PDE1A: variants seen among roughly 807,000 people sequenced by gnomAD.
PDE1A encodes phosphodiesterase 1A.
Under a neutral mutation model 61.7 loss-of-function variants are expected in PDE1A, and 35 were observed. The ratio of observed to expected loss-of-function variants is 0.57; its 90% CI spans 0.43 to 0.75. The LOEUF (loss-of-function observed/expected upper bound fraction) is 0.75, where lower values mean the gene tolerates loss of function less well. Among genes scored for constraint, PDE1A ranks in the 30% least tolerant of loss-of-function variants. The pLI is 0.00. For missense variants in PDE1A, 597 were observed against 630.6 expected, an observed-to-expected ratio of 0.95 and a Z score of 0.57; for synonymous variants, 232 against 213.2, an observed-to-expected ratio of 1.09 and a Z score of -0.77.
intron 1 of PDE1A, among the ~76,000 whole-genome samples, chr2:182,321,718 TAGA>T (rs1696706006): frequency 2.0e-5 from 3 of 152,170 alleles, no homozygotes; most frequent in Admixed American, 6.6e-5. Context: ...GACTTGCATC[TAGA>T]AGGATTCTTT....
At chr2:182,666,491 C>A in the PDE1A span, among the ~76,000 whole-genome samples, 1 of 151,858 alleles carries the variant, frequency 6.6e-6, no homozygotes, top group Non-Finnish European at 1.5e-5. Context: ...GCCTGTAATC[C>A]CAGCTACTCA....
exon 10 of PDE1A, chr2:182,201,549 C>T (rs1224835213): frequency 6.2e-7 from 1 of 1,612,162 alleles, no homozygotes; most frequent in Non-Finnish European, 8.5e-7. Flanking sequence ...ATGGTTTTGG[C>T]TCTGTCAATC....
intron 7 of PDE1A, among the ~76,000 whole-genome samples, chr2:182,210,075 G>C (rs545903882): frequency 6.6e-6 from 1 of 152,130 alleles, no homozygotes; most frequent in African/African-American, 2.4e-5. Flanking sequence ...TCCAAGTTTT[G>C]GCAATTATGA....
chr2:182,647,313 T>C, the PDE1A span, among the ~76,000 whole-genome samples: 1,109 of 152,326 alleles, frequency 7.3e-3, 11 homozygotes, highest in African/African-American at 0.025. Context: ...ACTGAATGGA[T>C]GGATCAGCAG....
At chr2:182,529,483 T>C in the PDE1A span, among the ~76,000 whole-genome samples, 3 of 152,240 alleles carry the variant, frequency 2.0e-5, no homozygotes, top group Admixed American at 2.0e-4. Flanking sequence ...ACTTGCCTTG[T>C]CTCAGATGAG....
At chr2:182,357,531 T>C (rs1338667793) in intron 1 of PDE1A, among the ~76,000 whole-genome samples, 3 of 152,186 alleles carry the variant, frequency 2.0e-5, no homozygotes, top group African/African-American at 7.2e-5. Flanking sequence ...TGAGCTGTAC[T>C]TGGTTATTTT....
exon 13 of PDE1A, chr2:182,186,065 A>G: frequency 6.2e-7 from 1 of 1,613,794 alleles, no homozygotes; most frequent in South Asian, 1.1e-5. Context: ...GTGTAACCCC[A>G]CAATGGTGGT....
chr2:182,469,670 G>C (rs1186777175), intron 2 of PDE1A, among the ~76,000 whole-genome samples: 1 of 151,916 alleles, frequency 6.6e-6, no homozygotes, highest in Non-Finnish European at 1.5e-5. Context: ...AAGAGGCCAA[G>C]CTTTCAGCCT....
chr2:182,627,370 ATATT>A, the PDE1A span, among the ~76,000 whole-genome samples: 187 of 121,280 alleles, frequency 1.5e-3, 1 homozygote, highest in Non-Finnish European at 2.4e-3. Context: ...TATATATTTA[ATATT>A]TATTATATAA....
At chr2:182,685,554 T>C in the PDE1A span, among the ~76,000 whole-genome samples, 3 of 152,200 alleles carry the variant, frequency 2.0e-5, no homozygotes, top group African/African-American at 7.2e-5. Flanking sequence ...AAATTCAGTC[T>C]ACTCATCTAC....
intron 2 of PDE1A, among the ~76,000 whole-genome samples, chr2:182,449,424 A>G (rs1469299240): frequency 6.6e-6 from 1 of 151,958 alleles, no homozygotes; most frequent in African/African-American, 2.4e-5. Flanking sequence ...TTCATTCTGT[A>G]TCATGAATAG....
intron 13 of PDE1A, among the ~76,000 whole-genome samples, chr2:182,154,743 AGTCTCAAGTAC>A (rs1483777993): frequency 6.6e-6 from 1 of 152,164 alleles, no homozygotes; most frequent in African/African-American, 2.4e-5. Context: ...TAAATTACCT[AGTCTCAAGTAC>A]GTCTTTATTA....
chr2:182,233,300 G>A (rs1176949737), intron 4 of PDE1A, among the ~76,000 whole-genome samples: 1 of 152,088 alleles, frequency 6.6e-6, no homozygotes, highest in Non-Finnish European at 1.5e-5. Flanking sequence ...GACTGAGTTG[G>A]GGTTGGATGG....
At chr2:182,174,236 C>T (rs1692516229) in intron 13 of PDE1A, among the ~76,000 whole-genome samples, 1 of 152,072 alleles carries the variant, frequency 6.6e-6, no homozygotes, top group South Asian at 2.1e-4. Flanking sequence ...GAAAAAGCCT[C>T]TCTAAGTGTC....
intron 1 of PDE1A, among the ~76,000 whole-genome samples, chr2:182,411,191 T>C (rs1420367622): frequency 2.0e-5 from 3 of 152,232 alleles, no homozygotes; most frequent in Admixed American, 2.0e-4. Context: ...CTCTGTTTTT[T>C]CTTCAGCTTA....
chr2:182,631,353 C>T, the PDE1A span, among the ~76,000 whole-genome samples: 2 of 151,938 alleles, frequency 1.3e-5, no homozygotes, highest in East Asian at 3.9e-4. Context: ...TACATGTGCA[C>T]AATGTGCAGG....
chr2:182,695,756 A>G, the PDE1A span, among the ~76,000 whole-genome samples: 212 of 152,262 alleles, frequency 1.4e-3, 4 homozygotes, highest in African/African-American at 4.8e-3. Context: ...TGCAAACAAT[A>G]TATCTCATAG....
chr2:182,638,337 G>A, the PDE1A span, among the ~76,000 whole-genome samples: 4 of 152,002 alleles, frequency 2.6e-5, no homozygotes, highest in Non-Finnish European at 5.9e-5. Flanking sequence ...TCAGAAGTTC[G>A]AGACCAGCCT....
chr2:182,593,559 C>T, the PDE1A span, among the ~76,000 whole-genome samples: 5 of 152,088 alleles, frequency 3.3e-5, no homozygotes, highest in Admixed American at 1.3e-4. Flanking sequence ...GAGTCAGACC[C>T]GTGGGAGGGA....
Sources: allele counts gnomAD v4.1 joint callset (sites outside exome capture counted in the v4.1 genomes callset), GRCh38; gene constraint gnomAD v4.1.1; transcripts MANE v1.5; gene names NCBI Gene and HGNC (gene_info 2026-07-23, HGNC 2026-07-21).